Variants in PLCL2 observed in about 807,000 individuals in gnomAD.
PLCL2 encodes the protein phospholipase C like 2.
PLCL2 carries 4 observed loss-of-function variants against 79.6 expected under a neutral mutation model. That is an observed-to-expected ratio of 0.05 (90% CI 0.02 to 0.11). The LOEUF is 0.11. Ranked by LOEUF, PLCL2 falls within the 10% of genes least tolerant of loss-of-function variation. The pLI is 1.00. For missense variants in PLCL2, 895 were observed against 1,291.0 expected, an observed-to-expected ratio of 0.69 and a Z score of 4.70; for synonymous variants, 484 against 457.7, an observed-to-expected ratio of 1.06 and a Z score of -0.73.
chr3:16,888,832 C>CCACAAAGTATTTAGT (rs1696281564), intron 1 of PLCL2, among the ~76,000 whole-genome samples: 3 of 152,230 alleles, frequency 2.0e-5, no homozygotes, highest in Non-Finnish European at 4.4e-5. Context: ...TTAGTCAGAA[C>CCACAAAGTATTTAGT]TAGTTAAATA....
At chr3:16,937,426 A>G (rs1161021528) in intron 1 of PLCL2, among the ~76,000 whole-genome samples, 3 of 152,196 alleles carry the variant, frequency 2.0e-5, no homozygotes, top group Admixed American at 6.5e-5. Context: ...GAGTTCAGGC[A>G]AAGGGTAGGA....
At chr3:17,029,944 G>C (rs1488192888) in intron 3 of PLCL2, among the ~76,000 whole-genome samples, 1 of 152,152 alleles carries the variant, frequency 6.6e-6, no homozygotes, top group Non-Finnish European at 1.5e-5. Flanking sequence ...ATCTTAATAA[G>C]AACAGTGGTA....
chr3:17,023,932 G>T (rs933554974), intron 3 of PLCL2, among the ~76,000 whole-genome samples: 1 of 152,104 alleles, frequency 6.6e-6, no homozygotes, highest in Non-Finnish European at 1.5e-5. Flanking sequence ...ATAACTTATT[G>T]ACACCATCCC....
intron 1 of PLCL2, among the ~76,000 whole-genome samples, chr3:16,889,376 C>T (rs1696295741): frequency 6.6e-6 from 1 of 152,156 alleles, no homozygotes; most frequent in African/African-American, 2.4e-5. Flanking sequence ...GATTTGATTG[C>T]CCTCTTTAAA....
Position 16,887,456 on chromosome 3 carries a change from G to C in PLCL2, c.327+2090G>C, listed in dbSNP as rs1193580987. Among the ~76,000 whole-genome samples the C allele has an allele frequency of 1.3e-4, 20 of 152,152 alleles. No individual in the cohort carries two copies. The highest frequency in any genetic ancestry group is 2.9e-5 in the Non-Finnish European group (2 of 68,020). On this transcript the variant is annotated intron_variant, in intron 1 of 5. Transcript: ENST00000615277. The surrounding 1 kb of genome is among the most constrained non-coding windows in gnomAD (Gnocchi z 4.1). ...TCATTGTATTGTACCTCCAAAGAAGGCTTGACATACTCCTTTTTCTTGCCT... is the reference window on the plus strand; with the variant it reads ...TCATTGTATTGTACCTCCAAAGAAGCCTTGACATACTCCTTTTTCTTGCCT...
At chr3:16,921,522 A>T (rs1005251105) in intron 1 of PLCL2, among the ~76,000 whole-genome samples, 1 of 152,144 alleles carries the variant, frequency 6.6e-6, no homozygotes, top group Non-Finnish European at 1.5e-5. Context: ...CAGTATCTGG[A>T]TTTTCCTAAA....
intron 1 of PLCL2, among the ~76,000 whole-genome samples, chr3:16,987,251 T>C (rs1296907604): frequency 1.3e-5 from 2 of 152,064 alleles, no homozygotes; most frequent in East Asian, 1.9e-4. Context: ...TGCTCTTTAT[T>C]GGCCCACATT....
intron 1 of PLCL2, among the ~76,000 whole-genome samples, chr3:16,929,369 G>C (rs1246173793): frequency 6.6e-6 from 1 of 152,134 alleles, no homozygotes; most frequent in Admixed American, 6.5e-5. Context: ...AATCCTGAAA[G>C]GCAAGAAAAG....
At chr3:17,017,625 T>G (rs933799414) in intron 3 of PLCL2, among the ~76,000 whole-genome samples, 1 of 152,176 alleles carries the variant, frequency 6.6e-6, no homozygotes, top group Non-Finnish European at 1.5e-5. Context: ...CTTATTTCAT[T>G]CTGTTGACTT....
At chr3:16,911,178 G>A (rs552246085) in intron 1 of PLCL2, among the ~76,000 whole-genome samples, 4 of 151,416 alleles carry the variant, frequency 2.6e-5, no homozygotes, top group South Asian at 2.1e-4. Context: ...ACTTGAACCC[G>A]GGGGGCGGAG....
At chr3:17,059,965 C>G (rs181530295) in intron 4 of PLCL2, among the ~76,000 whole-genome samples, 1 of 151,680 alleles carries the variant, frequency 6.6e-6, no homozygotes, top group Non-Finnish European at 1.5e-5. Context: ...AGGAAAGTAT[C>G]GATGTGAAAG....
intron 1 of PLCL2, among the ~76,000 whole-genome samples, chr3:16,913,524 G>C (rs1046105845): frequency 1.3e-5 from 2 of 151,794 alleles, no homozygotes; most frequent in African/African-American, 4.8e-5. Context: ...TATTTTAATG[G>C]TTGACTGCCT....
intron 1 of PLCL2, among the ~76,000 whole-genome samples, chr3:16,968,310 A>G (rs80008427): frequency 0.013 from 2,001 of 152,130 alleles, 49 homozygotes; most frequent in African/African-American, 0.046. Flanking sequence ...TGAGAACATC[A>G]TCATTGGTAG....
intron 3 of PLCL2, among the ~76,000 whole-genome samples, chr3:17,042,543 A>G (rs1360901597): frequency 6.6e-6 from 1 of 152,226 alleles, no homozygotes; most frequent in African/African-American, 2.4e-5. Flanking sequence ...ACCAAATTTT[A>G]AAACTCAGAT....
At chr3:17,083,806 G>C (rs1309657890) in intron 5 of PLCL2, among the ~76,000 whole-genome samples, 1 of 152,164 alleles carries the variant, frequency 6.6e-6, no homozygotes, top group Non-Finnish European at 1.5e-5. Flanking sequence ...TGCAAGAATG[G>C]AGTTGCTTTG....
At chr3:17,044,753 GA>G (rs1271489405) in intron 4 of PLCL2, among the ~76,000 whole-genome samples, 8 of 151,924 alleles carry the variant, frequency 5.3e-5, no homozygotes, top group East Asian at 1.9e-4. Context: ...CTGTTTATCA[GA>G]AAAAAAACTA....
intron 3 of PLCL2, among the ~76,000 whole-genome samples, chr3:17,027,908 C>CGT (rs940065790): frequency 7.9e-5 from 12 of 152,274 alleles, no homozygotes; most frequent in African/African-American, 2.9e-4. Context: ...TAATAGCGCC[C>CGT]GTGAGGCAAG....
chr3:16,916,870 G>C (rs1454734510), intron 1 of PLCL2, among the ~76,000 whole-genome samples: 1 of 152,060 alleles, frequency 6.6e-6, no homozygotes, highest in Non-Finnish European at 1.5e-5. Flanking sequence ...TCTCTCTTTT[G>C]TGATCGTACA....
intron 2 of PLCL2, among the ~76,000 whole-genome samples, chr3:17,014,357 A>G (rs1369671000): frequency 6.6e-6 from 1 of 151,848 alleles, no homozygotes; most frequent in Non-Finnish European, 1.5e-5. Context: ...CTAAATCTTT[A>G]CCCTCTTTGA....
Sources: allele counts gnomAD v4.1 joint callset (sites outside exome capture counted in the v4.1 genomes callset), GRCh38; gene constraint gnomAD v4.1.1; non-coding constraint Gnocchi (gnomAD v3.1); transcripts MANE v1.5; gene names NCBI Gene and HGNC (gene_info 2026-07-23, HGNC 2026-07-21).